CCDC126: variants seen among roughly 807,000 people sequenced by gnomAD.
CCDC126 encodes coiled-coil domain-containing protein 126.
In CCDC126, 5 loss-of-function variants were observed where a neutral mutation model predicts 11.7. That is an observed-to-expected ratio of 0.43 (90% CI 0.22 to 0.90). The LOEUF is 0.90. CCDC126 is among the 40% of genes least tolerant of loss of function. The pLI is 0.27. For synonymous variants in CCDC126, 60 were observed against 61.9 expected (o/e 0.97, Z 0.14); for missense variants, 150 against 163.1 (o/e 0.92, Z 0.44).
chr7:23,615,699 T>C (rs1782785092), intron 3 of CCDC126, among the ~76,000 whole-genome samples: 1 of 152,184 alleles, frequency 6.6e-6, no homozygotes, highest in Admixed American at 6.5e-5. Flanking sequence ...TCAATATTGT[T>C]ATGTCTAAGG....
chr7:23,640,906 G>C (rs556298133), intron 3 of CCDC126, among the ~76,000 whole-genome samples: 1 of 151,018 alleles, frequency 6.6e-6, no homozygotes, highest in Admixed American at 6.6e-5. Flanking sequence ...ATGGACACTT[G>C]AGTTGTTTCT....
At chr7:23,638,414 A>G (rs1370604637) in intron 3 of CCDC126, among the ~76,000 whole-genome samples, 3 of 81,466 alleles carry the variant, frequency 3.7e-5, no homozygotes, top group Non-Finnish European at 7.2e-5. Flanking sequence ...CTGTGACCTT[A>G]TCTCCAACCC....
At chr7:23,598,535 C>G (rs757711743) in intron 2 of CCDC126, 1 of 152,224 alleles carries the variant, frequency 6.6e-6, no homozygotes, top group South Asian at 2.1e-4. Context: ...GTATTCACCT[C>G]TCCCCTCCCC....
At chr7:23,636,879 C>T (rs1470892310) in intron 3 of CCDC126, among the ~76,000 whole-genome samples, 1 of 104,012 alleles carries the variant, frequency 9.6e-6, no homozygotes, top group Non-Finnish European at 2.0e-5. Flanking sequence ...CCCGGCCAGT[C>T]GCCCCGTCCA....
intron 2 of CCDC126, among the ~76,000 whole-genome samples, chr7:23,601,387 A>G (rs1562827030): frequency 6.6e-6 from 1 of 152,242 alleles, no homozygotes; most frequent in Non-Finnish European, 1.5e-5. Flanking sequence ...CTTATCTCAA[A>G]CAGCAACAAC....
rs1488476228 is a variant in CCDC126, at chr7:23,612,435, A to G, written c.238+882A>G. 1.9e-4 allele frequency among the ~76,000 whole-genome samples: 24 copies of G among 127,172 alleles called. No homozygotes were observed. In the Admixed American group the frequency reaches 2.2e-3, roughly 12 times the overall value. 83.4% of individuals were successfully genotyped at this position (127,172 alleles called of 152,430 possible). On this transcript the variant is annotated intron_variant, in intron 3 of 3. Transcript: ENST00000307471. ...GGTTGTGGTGAGTCGAGATTGTGCC[A>G]CTGAATTCTAGCTTGGGTGACAGAG...
At chr7:23,640,793 T>G (rs1783340299) in intron 3 of CCDC126, among the ~76,000 whole-genome samples, 1 of 151,738 alleles carries the variant, frequency 6.6e-6, no homozygotes, top group African/African-American at 2.4e-5. Flanking sequence ...TCAAGGTTCA[T>G]CTGTGTTGTA....
intron 3 of CCDC126, among the ~76,000 whole-genome samples, chr7:23,615,650 C>T (rs1782784555): frequency 6.6e-6 from 1 of 152,140 alleles, no homozygotes; most frequent in Non-Finnish European, 1.5e-5. Context: ...TACACTTGAA[C>T]ACTTAGAAGC....
At chr7:23,632,635 C>G (rs1391138462) in intron 3 of CCDC126, among the ~76,000 whole-genome samples, 3 of 152,090 alleles carry the variant, frequency 2.0e-5, no homozygotes, top group Admixed American at 6.6e-5. Context: ...GGAAACTGGG[C>G]AAAGGGAATT....
intron 3 of CCDC126, among the ~76,000 whole-genome samples, chr7:23,615,496 C>T (rs1302055587): frequency 1.3e-5 from 2 of 152,214 alleles, no homozygotes; most frequent in Non-Finnish European, 2.9e-5. Flanking sequence ...TAATTCTCTT[C>T]AAGAACTTTT....
chr7:23,636,459 C>T (rs1205405240), intron 3 of CCDC126, among the ~76,000 whole-genome samples: 3 of 150,004 alleles, frequency 2.0e-5, no homozygotes, highest in Non-Finnish European at 3.0e-5. Flanking sequence ...AAGTGAGGAG[C>T]GTCTCTGCCC....
chr7:23,618,189 C>T (rs1342512731), intron 3 of CCDC126, among the ~76,000 whole-genome samples: 3 of 152,226 alleles, frequency 2.0e-5, no homozygotes, highest in Non-Finnish European at 2.9e-5. Context: ...CTCACCTGAA[C>T]TTCAATGTAC....
At chr7:23,605,530 A>G (rs1472136375) in intron 2 of CCDC126, among the ~76,000 whole-genome samples, 3 of 152,144 alleles carry the variant, frequency 2.0e-5, no homozygotes, top group African/African-American at 7.2e-5. Flanking sequence ...TCATCATGCA[A>G]CCATCACTAC....
chr7:23,606,858 G>A (rs776436095), intron 2 of CCDC126, among the ~76,000 whole-genome samples: 3 of 151,968 alleles, frequency 2.0e-5, no homozygotes, highest in Non-Finnish European at 4.4e-5. Flanking sequence ...ATCACGTGAG[G>A]CCAGGTGATC....
rs1247640438 is a variant in CCDC126 at position 23,644,191 on chromosome 7, TTAAAA to T, written c.*1080_*1084del. On this transcript the variant is annotated 3_prime_UTR_variant, in exon 4 of 4. Transcript: ENST00000307471. ...GATATTCATTTTATATAATGGCCAC[TTAAAA>T]TAAGAACATTTAAAATATAAACTAT... The T allele has an allele frequency of 1.4e-4, 21 of 152,302 alleles. No individual in the cohort carries two copies. In the East Asian group the frequency reaches 2.1e-3, roughly 15 times the overall value. The allele number at this position is 152,302 out of a possible 1,614,324, so 9.4% of individuals were successfully genotyped here.
At chr7:23,634,878 C>T (rs928138849) in intron 3 of CCDC126, among the ~76,000 whole-genome samples, 2 of 152,190 alleles carry the variant, frequency 1.3e-5, no homozygotes, top group African/African-American at 4.8e-5. Flanking sequence ...TACATTCTCC[C>T]TCTCTTCCAC....
intron 3 of CCDC126, among the ~76,000 whole-genome samples, chr7:23,636,435 C>A (rs1408885891): frequency 2.0e-5 from 3 of 150,746 alleles, no homozygotes; most frequent in African/African-American, 7.3e-5. Context: ...TTCGCCGCCG[C>A]CATCCCATCT....
At chr7:23,624,232 T>C (rs1206730906) in intron 3 of CCDC126, among the ~76,000 whole-genome samples, 1 of 152,234 alleles carries the variant, frequency 6.6e-6, no homozygotes, top group Non-Finnish European at 1.5e-5. Context: ...TTTCTGTGGG[T>C]ACCTAGACTA....
intron 2 of CCDC126, among the ~76,000 whole-genome samples, chr7:23,601,673 C>G (rs1390994460): frequency 4.6e-5 from 7 of 152,016 alleles, no homozygotes; most frequent in Admixed American, 4.6e-4. Context: ...TGAAGTTGTT[C>G]TAGTTTAAAT....
Sources: gnomAD v4.1 joint callset for allele counts (sites outside exome capture counted in the v4.1 genomes callset) on GRCh38, gnomAD v4.1.1 for gene constraint, MANE v1.5 for transcripts, NCBI Gene and HGNC (gene_info 2026-07-23, HGNC 2026-07-21) for gene names.